Variants in KDM4C observed in about 807,000 individuals in gnomAD.
KDM4C encodes lysine-specific demethylase 4C.
Under a neutral mutation model 129.3 loss-of-function variants are expected in KDM4C, and 81 were observed. The observed-to-expected ratio is 0.63, with a 90% CI of 0.52 to 0.75. The LOEUF (loss-of-function observed/expected upper bound fraction) is 0.75, where lower values mean the gene tolerates loss of function less well. KDM4C is among the 30% of genes least tolerant of loss of function. The probability of loss-of-function intolerance (pLI) is 0.00; values close to 1 mark genes in which losing one functional copy is unlikely to be tolerated. For synonymous variants in KDM4C, 573 were observed against 456.1 expected (o/e 1.26, Z -3.26); for missense variants, 1,457 against 1,304.0 (o/e 1.12, Z -1.81).
At chr9:7,164,823 C>T (rs1844203874) in intron 19 of KDM4C, among the ~76,000 whole-genome samples, 1 of 152,178 alleles carries the variant, frequency 6.6e-6, no homozygotes, top group Non-Finnish European at 1.5e-5. Flanking sequence ...CTTTCTATGT[C>T]ATGGGGTGAT....
At chr9:6,826,004 A>T (rs973103219) in intron 4 of KDM4C, among the ~76,000 whole-genome samples, 1 of 151,944 alleles carries the variant, frequency 6.6e-6, no homozygotes, top group Non-Finnish European at 1.5e-5. Flanking sequence ...TAGAGACGGG[A>T]TTTCACTATA....
At chr9:6,959,410 C>T in intron 8 of KDM4C, among the ~76,000 whole-genome samples, 1 of 152,132 alleles carries the variant, frequency 6.6e-6, no homozygotes, top group East Asian at 1.9e-4. Flanking sequence ...GGAGAATATG[C>T]CTTGAAGAAT....
intron 4 of KDM4C, among the ~76,000 whole-genome samples, chr9:6,844,149 G>A (rs1173520514): frequency 1.3e-5 from 2 of 152,026 alleles, no homozygotes; most frequent in Non-Finnish European, 2.9e-5. Flanking sequence ...TTTTAAAAAA[G>A]CTTTTTCTCT....
chr9:7,092,828 T>A (rs1359897687), intron 17 of KDM4C, among the ~76,000 whole-genome samples: 7 of 152,106 alleles, frequency 4.6e-5, no homozygotes, highest in Non-Finnish European at 8.8e-5. Context: ...CTTGCACACA[T>A]CTGCTTGGGT....
At chr9:7,106,915 G>C (rs1587675140) in intron 18 of KDM4C, among the ~76,000 whole-genome samples, 1 of 151,918 alleles carries the variant, frequency 6.6e-6, no homozygotes, top group Non-Finnish European at 1.5e-5. Context: ...GCAGTAAGCA[G>C]AGTTTATAAT....
intron 8 of KDM4C, among the ~76,000 whole-genome samples, chr9:6,976,818 ATTTTTTTTTTGG>A (rs1563919705): frequency 2.7e-5 from 4 of 150,318 alleles, no homozygotes; most frequent in African/African-American, 9.8e-5. Context: ...ATGTTGTTTG[ATTTTTTTTTTGG>A]CATAAGTCAT....
intron 8 of KDM4C, among the ~76,000 whole-genome samples, chr9:6,942,023 C>T (rs754824000): frequency 3.3e-4 from 50 of 152,174 alleles, no homozygotes; most frequent in Non-Finnish European, 5.4e-4. Flanking sequence ...TGATTTGAAA[C>T]TCTTTTAAAA....
rs552452567 is a variant in KDM4C at position 7,048,975 on chromosome 9, G to C, written c.2316-117G>C. On this transcript the variant is annotated intron_variant, in intron 16 of 21. Coordinates refer to ENST00000381309, the MANE Select transcript of KDM4C (RefSeq NM_015061.6). Reference sequence around the variant, plus strand: ...TCAGAATCTGTTTGTGATGGATTTAGGCTTTTGGCTTTCTTGCTCATCTGT... The same window carrying C: ...TCAGAATCTGTTTGTGATGGATTTACGCTTTTGGCTTTCTTGCTCATCTGT... 57 of 603,872 alleles carry C rather than the reference G, an allele frequency of 9.4e-5. 1 individual carries two copies. The highest frequency in any genetic ancestry group is 6.2e-4 in the East Asian group (20 of 32,206). The allele number at this position is 603,872 out of a possible 1,614,324, so 37.4% of individuals were successfully genotyped here. A position where few individuals can be genotyped will look rare whatever the true frequency, so the allele number is the denominator to read the frequency against.
At chr9:6,840,096 C>T (rs62533759) in intron 4 of KDM4C, among the ~76,000 whole-genome samples, 1 of 151,432 alleles carries the variant, frequency 6.6e-6, no homozygotes, top group Non-Finnish European at 1.5e-5. Flanking sequence ...TTTTTGGAGA[C>T]AGGTCTCACT....
intron 21 of KDM4C, among the ~76,000 whole-genome samples, chr9:7,171,999 C>A (rs985882458): frequency 6.6e-6 from 1 of 152,180 alleles, no homozygotes; most frequent in Non-Finnish European, 1.5e-5. Flanking sequence ...CATACACAGT[C>A]TTGTCGTAGC....
At chr9:6,798,130 C>T (rs1564028249) in intron 2 of KDM4C, among the ~76,000 whole-genome samples, 1 of 152,070 alleles carries the variant, frequency 6.6e-6, no homozygotes, top group Non-Finnish European at 1.5e-5. Context: ...TTTAAATGAA[C>T]TTGTACACAA....
intron 8 of KDM4C, among the ~76,000 whole-genome samples, chr9:6,912,399 C>G (rs1819487066): frequency 6.6e-6 from 1 of 152,208 alleles, no homozygotes; most frequent in African/African-American, 2.4e-5. Flanking sequence ...ACCATGCTGG[C>G]ATTCCTTGAC....
intron 18 of KDM4C, among the ~76,000 whole-genome samples, chr9:7,106,114 C>A (rs956370831): frequency 6.6e-6 from 1 of 152,180 alleles, no homozygotes; most frequent in African/African-American, 2.4e-5. Flanking sequence ...ATCCATTCTT[C>A]TTCCATTCGA....
At chr9:6,813,282 T>C (rs1831497838) in intron 3 of KDM4C, among the ~76,000 whole-genome samples, 1 of 152,214 alleles carries the variant, frequency 6.6e-6, no homozygotes, top group African/African-American at 2.4e-5. Context: ...ATGATCTTCC[T>C]GCTTTGGGCT....
intron 5 of KDM4C, among the ~76,000 whole-genome samples, chr9:6,852,171 T>A (rs1386605836): frequency 6.6e-6 from 1 of 152,154 alleles, no homozygotes; most frequent in Non-Finnish European, 1.5e-5. Flanking sequence ...CATAAATAAT[T>A]TTGAGGTAAA....
rs139147690 is a variant in KDM4C, at chr9:6,907,692, A to G, written c.921+14460A>G. ...CACGTTGATTCTAAAATGGAAGTAA[A>G]CAGCACTAATACAATTACTAACTCA... On this transcript the variant is annotated intron_variant, in intron 8 of 21. Coordinates refer to ENST00000381309, the MANE Select transcript of KDM4C (RefSeq NM_015061.6). 1.5e-3 allele frequency among the ~76,000 whole-genome samples: 229 copies of G among 152,334 alleles called. 2 individuals are homozygous for G. The highest frequency in any genetic ancestry group is 5.2e-3 in the African/African-American group (217 of 41,580).
intron 2 of KDM4C, among the ~76,000 whole-genome samples, chr9:6,800,326 C>T (rs1373158644): frequency 1.3e-5 from 2 of 152,098 alleles, no homozygotes; most frequent in South Asian, 2.1e-4. Context: ...GAGATTGCTC[C>T]ACTGCACTCT....
rs75272599 is a variant in KDM4C, at chr9:7,150,834, C to T, written c.2782-14404C>T. Among the ~76,000 whole-genome samples, 585 of 152,298 alleles carry T rather than the reference C, an allele frequency of 3.8e-3. 7 individuals carry two copies. The highest frequency in any genetic ancestry group is 0.013 in the African/African-American group (558 of 41,562). Reference sequence around the variant, plus strand: ...CTTTCTAGGCCTTTTAAGGTTTTTGCATGCCAGAATCTCACCTATTTCTAA... The same window carrying T: ...CTTTCTAGGCCTTTTAAGGTTTTTGTATGCCAGAATCTCACCTATTTCTAA... On this transcript the variant is annotated intron_variant, in intron 19 of 21. Transcript: ENST00000381309.
chr9:6,867,845 T>A (rs1330987901), intron 5 of KDM4C, among the ~76,000 whole-genome samples: 2 of 152,126 alleles, frequency 1.3e-5, no homozygotes, highest in Non-Finnish European at 2.9e-5. Context: ...ACTTCCCCAC[T>A]GTCTTTTATT....
Sources: gnomAD v4.1 joint callset for allele counts (sites outside exome capture counted in the v4.1 genomes callset) on GRCh38, gnomAD v4.1.1 for gene constraint, MANE v1.5 for transcripts, NCBI Gene and HGNC (gene_info 2026-07-23, HGNC 2026-07-21) for gene names.